POU6F2: variants seen among roughly 807,000 people sequenced by gnomAD.
The protein encoded by POU6F2 is POU domain, class 6, transcription factor 2.
In POU6F2, 31 loss-of-function variants were observed where a neutral mutation model predicts 71.3. The ratio of observed to expected loss-of-function variants is 0.43; its 90% CI spans 0.33 to 0.59. POU6F2 has a LOEUF of 0.59. POU6F2 is among the 20% of genes least tolerant of loss of function. POU6F2 has a pLI of 0.04. For missense variants in POU6F2, 783 were observed against 856.8 expected (o/e 0.91, Z 1.07); for synonymous variants, 347 against 355.7 (o/e 0.98, Z 0.27).
chr7:39,044,150 G>A (rs947795023), intron 1 of POU6F2, among the ~76,000 whole-genome samples: 3 of 151,860 alleles, frequency 2.0e-5, no homozygotes, highest in Admixed American at 6.6e-5. Context: ...TAGGAACCTG[G>A]AAGTGAAGAA....
chr7:39,137,012 CAAAAAAAA>C (rs11344179), intron 2 of POU6F2, among the ~76,000 whole-genome samples: 2 of 82,232 alleles, frequency 2.4e-5, no homozygotes, highest in East Asian at 3.4e-4. Context: ...GAGACCCTGT[CAAAAAAAA>C]AAAAAAAAAA....
intron 1 of POU6F2, among the ~76,000 whole-genome samples, chr7:39,055,965 T>G (rs1311682981): frequency 1.3e-5 from 2 of 152,082 alleles, no homozygotes; most frequent in Non-Finnish European, 2.9e-5. Flanking sequence ...GTTGAATCTT[T>G]TTATTTTGGT....
At chr7:39,015,691 T>A (rs372015922) in intron 1 of POU6F2, among the ~76,000 whole-genome samples, 1 of 84,332 alleles carries the variant, frequency 1.2e-5, no homozygotes, top group Non-Finnish European at 2.2e-5. Flanking sequence ...GTTATATATC[T>A]ATATATTATA....
At chr7:39,014,554 A>G (rs922111309) in intron 1 of POU6F2, among the ~76,000 whole-genome samples, 1 of 152,222 alleles carries the variant, frequency 6.6e-6, no homozygotes, top group Admixed American at 6.5e-5. Context: ...GTGCAAGGCA[A>G]GTCTTAATTC....
intron 5 of POU6F2, among the ~76,000 whole-genome samples, chr7:39,371,310 G>C (rs1031471711): frequency 6.6e-6 from 1 of 151,854 alleles, no homozygotes; most frequent in African/African-American, 2.4e-5. Context: ...TTCTTGAGTA[G>C]CTGGGACTAC....
chr7:39,285,495 T>G (rs1784635782), intron 4 of POU6F2, among the ~76,000 whole-genome samples: 1 of 152,170 alleles, frequency 6.6e-6, no homozygotes, highest in South Asian at 2.1e-4. Flanking sequence ...TTCCCTTTTG[T>G]GAATATAGGG....
At chr7:39,414,484 C>T (rs1364497798) in intron 6 of POU6F2, among the ~76,000 whole-genome samples, 1 of 152,160 alleles carries the variant, frequency 6.6e-6, no homozygotes, top group African/African-American at 2.4e-5. Context: ...GGCGGAAGTG[C>T]CCTCGCCGTC....
At chr7:39,279,092 C>T (rs1784513750) in intron 4 of POU6F2, among the ~76,000 whole-genome samples, 1 of 152,172 alleles carries the variant, frequency 6.6e-6, no homozygotes, top group African/African-American at 2.4e-5. Flanking sequence ...GTGTGTCATG[C>T]ACGGCCATTC....
chr7:39,232,100 G>T (rs1794587902), intron 4 of POU6F2, among the ~76,000 whole-genome samples: 1 of 152,066 alleles, frequency 6.6e-6, no homozygotes, highest in Non-Finnish European at 1.5e-5. Flanking sequence ...AATTATCATT[G>T]AATTTTCTCA....
chr7:39,230,866 G>A (rs28599716), intron 4 of POU6F2, among the ~76,000 whole-genome samples: 49,010 of 151,980 alleles, frequency 0.32, 8,620 homozygotes, highest in East Asian at 0.68. Flanking sequence ...ATCCCAAATA[G>A]ATTTGTGTGC....
chr7:39,237,278 A>G (rs1794692347), intron 4 of POU6F2, among the ~76,000 whole-genome samples: 1 of 152,184 alleles, frequency 6.6e-6, no homozygotes, highest in Admixed American at 6.5e-5. Context: ...TGCTGGGCCT[A>G]CCTAATTTCA....
intron 5 of POU6F2, among the ~76,000 whole-genome samples, chr7:39,401,122 A>G (rs530379931): frequency 2.0e-5 from 3 of 152,312 alleles, no homozygotes; most frequent in South Asian, 4.1e-4. Flanking sequence ...CCCAGTGCGC[A>G]GGCTGGTTAG....
chr7:39,026,919 G>A (rs1263967238), intron 1 of POU6F2, among the ~76,000 whole-genome samples: 1 of 152,018 alleles, frequency 6.6e-6, no homozygotes, highest in Non-Finnish European at 1.5e-5. Context: ...CTCCTCTTTA[G>A]AAATTGCCAA....
intron 1 of POU6F2, among the ~76,000 whole-genome samples, chr7:39,031,473 T>TA (rs1249771105): frequency 8.5e-5 from 13 of 152,210 alleles, no homozygotes; most frequent in Non-Finnish European, 1.9e-4. Flanking sequence ...TGTGAATATG[T>TA]AACAAAACAC....
intron 5 of POU6F2, among the ~76,000 whole-genome samples, chr7:39,368,609 A>G (rs1786551649): frequency 1.3e-5 from 2 of 152,236 alleles, no homozygotes; most frequent in Non-Finnish European, 2.9e-5. Context: ...TTGGAAGAAG[A>G]TACCATCTAA....
chr7:39,145,606 C>G (rs1362542582), intron 2 of POU6F2, among the ~76,000 whole-genome samples: 1 of 152,186 alleles, frequency 6.6e-6, no homozygotes, highest in East Asian at 1.9e-4. Context: ...CCGAAATATT[C>G]TCACCCTTTG....
intron 1 of POU6F2, among the ~76,000 whole-genome samples, chr7:39,070,387 G>A (rs1014806522): frequency 6.8e-6 from 1 of 147,790 alleles, no homozygotes; most frequent in Non-Finnish European, 1.5e-5. Flanking sequence ...CCACACTTCT[G>A]CTTTTGCCTC....
chr7:39,226,040 A>G (rs1208601679), intron 4 of POU6F2, among the ~76,000 whole-genome samples: 1 of 152,024 alleles, frequency 6.6e-6, no homozygotes, highest in Non-Finnish European at 1.5e-5. Context: ...ACTGAAGCAT[A>G]TGTTCTGAGC....
chr7:39,267,478 A>G (rs987694653), intron 4 of POU6F2, among the ~76,000 whole-genome samples: 2 of 152,256 alleles, frequency 1.3e-5, no homozygotes, highest in African/African-American at 4.8e-5. Flanking sequence ...CTGTCACTGA[A>G]TATCCTGGAT....
Sources: allele counts gnomAD v4.1 joint callset (sites outside exome capture counted in the v4.1 genomes callset), GRCh38; gene constraint gnomAD v4.1.1; transcripts MANE v1.5; gene names NCBI Gene and HGNC (gene_info 2026-07-23, HGNC 2026-07-21).